DMRT2: variants seen among roughly 807,000 people sequenced by gnomAD.
The protein encoded by DMRT2 is doublesex- and mab-3-related transcription factor 2.
In DMRT2, 33 loss-of-function variants were observed where a neutral mutation model predicts 43.5. The observed-to-expected ratio is 0.76, with a 90% CI of 0.58 to 1.01. DMRT2 has a LOEUF of 1.01. Among genes scored for constraint, DMRT2 ranks in the 50% least tolerant of loss-of-function variants. The pLI, the probability that DMRT2 is intolerant of heterozygous loss-of-function variation, is 0.00. For missense variants in DMRT2, 1,064 were observed against 748.0 expected (o/e 1.42, Z -4.93); for synonymous variants, 395 against 309.2 (o/e 1.28, Z -2.91).
Position 1,056,521 on chromosome 9 carries a change from C to T in DMRT2, c.934C>T (p.Gln312Ter). ...GCCCACCTGCCTTGATTTAACCATG[C>T]AGTATTCAGGGTCTGGGAATATGGA... is the stretch of plus-strand genomic sequence containing the variant. The part of the protein sequence containing the change: ...FLPTCLDLTM[Q>*]YSGSGNMELI... Residue 312 changes from glutamine (Q) to a stop codon, truncating the protein, a stop_gained, in exon 4 of 4, where the codon CAG becomes TAG. Coordinates refer to ENST00000358146, the MANE Select transcript of DMRT2 (RefSeq NM_181872.6). LOFTEE classifies it high-confidence loss of function. 1 of 1,614,196 alleles carries T rather than the reference C, an allele frequency of 6.2e-7. No individual in the cohort carries two copies. The highest frequency in any genetic ancestry group is 8.5e-7 in the Non-Finnish European group (1 of 1,180,028).
intron 3 of DMRT2, among the ~76,000 whole-genome samples, chr9:1,054,883 A>G (rs1318290710): frequency 6.6e-6 from 1 of 151,840 alleles, no homozygotes; most frequent in Non-Finnish European, 1.5e-5. Flanking sequence ...TGTGTGTCCT[A>G]TAAAAATTTT....
rs200747181 is a variant in DMRT2, at chr9:1,055,802, A to G, written c.629-414A>G. 140 of 1,504,746 alleles carry G rather than the reference A, an allele frequency of 9.3e-5. 2 individuals carry two copies. In the Middle Eastern group the frequency reaches 2.3e-3, roughly 24 times the overall value. The allele number at this position is 1,504,746 out of a possible 1,614,324, so 93.2% of individuals were successfully genotyped here. The stretch of plus-strand genomic sequence containing the variant: ...AATAAAAGTGACATCAGCTCTAGGT[A>G]TAGATATATTTTTTAATAATGAAAA... On this transcript the variant is annotated intron_variant, in intron 3 of 3. Transcript: ENST00000358146.
intron 2 of DMRT2, among the ~76,000 whole-genome samples, chr9:1,052,628 A>G (rs73639838): frequency 0.029 from 4,364 of 151,998 alleles, 215 homozygotes; most frequent in African/African-American, 0.099. Flanking sequence ...CACTCATTTT[A>G]TGGATGAGAC....
At chr9:1,052,220 C>T (rs1821645568) in intron 2 of DMRT2, 82 bp downstream of exon 2, 2 of 1,183,048 alleles carry the variant, frequency 1.7e-6, no homozygotes, top group South Asian at 4.7e-5. Flanking sequence ...CGTCCACACC[C>T]CCCGCGCCCA....
In DMRT2 at chr9:1,056,251, G is replaced by A; in HGVS notation, c.664G>A (p.Gly222Arg). Residue 222 changes from glycine (G) to arginine (R), a missense_variant, in exon 4 of 4, where the codon GGG (glycine) becomes AGG (arginine). Gly to Arg is a moderately radical substitution (Grantham distance 125). Coordinates refer to ENST00000358146, the MANE Select transcript of DMRT2 (RefSeq NM_181872.6). ...RPIPAETYVG[G>R]TFPLPPPVSD... Reference sequence around the variant, plus strand: ...CATTCCAGCGGAGACTTATGTAGGAGGGACCTTCCCTCTACCTCCCCCAGT... The same window carrying A: ...CATTCCAGCGGAGACTTATGTAGGAAGGACCTTCCCTCTACCTCCCCCAGT... 1.2e-6 allele frequency: 2 copies of A among 1,613,836 alleles called. No individual in the cohort carries two copies. The highest frequency in any genetic ancestry group is 1.1e-5 in the South Asian group (1 of 91,070).
At position 1,056,343 on chromosome 9, in the gene DMRT2, A is replaced by C. The variant is rs763801083; in HGVS notation, c.756A>C (p.Arg252Ser). The C allele has an allele frequency of 1.2e-6, 2 of 1,614,184 alleles. No individual in the cohort carries two copies. Among genetic ancestry groups the C allele is most frequent in the South Asian group, 1.1e-5 (1 of 91,088 alleles). Residue 252 changes from arginine (R) to serine (S), a missense_variant, in exon 4 of 4, where the codon AGA becomes AGC. Arg to Ser is a moderately radical substitution (Grantham distance 110). Coordinates refer to ENST00000358146, the MANE Select transcript of DMRT2 (RefSeq NM_181872.6). ...AGTTGGAGAACATTATGCTGGAGAG[A>C]GAATATAAAGAAAGGGAGATGTTGG... ...DKELENIMLEREYKEREMLET... is the reference protein window; with the variant it reads ...DKELENIMLESEYKEREMLET...
In DMRT2 at chr9:1,056,703, T is replaced by A. The variant is rs777481724; in HGVS notation, c.1116T>A (p.Pro372=). 1 of 1,614,104 alleles carries A rather than the reference T, an allele frequency of 6.2e-7. No homozygotes were observed. Among genetic ancestry groups the A allele is most frequent in the Admixed American group, 1.7e-5 (1 of 60,014 alleles). Residue 372 remains proline, a synonymous_variant, in exon 4 of 4, where the codon CCT becomes CCA. Transcript: ENST00000358146. Reference sequence around the variant, plus strand: ...CCACCTCAGTTCAAGCCCTGAAGCCTGGGGCCAGCTGGGACTTGAAGGGAG... The same window carrying A: ...CCACCTCAGTTCAAGCCCTGAAGCCAGGGGCCAGCTGGGACTTGAAGGGAG... ...NATTSVQALK[P]GASWDLKGAR...
rs1476808379 is a variant in DMRT2 at position 1,056,452 on chromosome 9, C to T, written c.865C>T (p.Pro289Ser). 1 of 1,614,024 alleles carries T rather than the reference C, an allele frequency of 6.2e-7. No homozygotes were observed. The highest frequency in any genetic ancestry group is 8.5e-7 in the Non-Finnish European group (1 of 1,180,050). Residue 289 changes from proline to serine, a missense_variant, in exon 4 of 4, where the codon CCC becomes TCC. Pro to Ser is a moderately conservative substitution (Grantham distance 74, BLOSUM62 -1). Coordinates refer to ENST00000358146, the MANE Select transcript of DMRT2 (RefSeq NM_181872.6). ...DYNSYKSAYS[P>S]SPVEPPSKDF... ...CAATTCCTACAAAAGTGCCTACAGC[C>T]CCAGCCCAGTGGAACCACCAAGCAA...
At position 1,057,549 on chromosome 9, in the gene DMRT2, C is replaced by A. The variant is rs923978468; in HGVS notation, c.*276C>A. 2.0e-5 allele frequency: 7 copies of A among 344,172 alleles called. No homozygotes were observed. The highest frequency in any genetic ancestry group is 8.4e-5 in the African/African-American group (4 of 47,578). 21.3% of individuals were successfully genotyped at this position (344,172 alleles called of 1,614,324 possible). Reference sequence around the variant, plus strand: ...AAATTGACACTGTCTTCTCAAAGACCCAATATTTGCCGAAGCAAATAGCTG... The same window carrying A: ...AAATTGACACTGTCTTCTCAAAGACACAATATTTGCCGAAGCAAATAGCTG... On this transcript the variant is annotated 3_prime_UTR_variant, in exon 4 of 4. Coordinates refer to ENST00000358146, the MANE Select transcript of DMRT2 (RefSeq NM_181872.6).
rs1270995543 is a variant in DMRT2 at position 1,056,989 on chromosome 9, C to A, written c.1402C>A (p.His468Asn). ...ENTRHPLPLR[H>N]NPFHSLFQQT... ...CACCAGGCACCCTCTGCCACTTAGACATAATCCATTCCACTCATTATTCCA... is the reference window on the plus strand; with the variant it reads ...CACCAGGCACCCTCTGCCACTTAGAAATAATCCATTCCACTCATTATTCCA... Residue 468 changes from histidine (H) to asparagine (N), a missense_variant, in exon 4 of 4, where the codon CAT becomes AAT. Coordinates refer to ENST00000358146, the MANE Select transcript of DMRT2 (RefSeq NM_181872.6). 4 of 1,614,112 alleles carry A rather than the reference C, an allele frequency of 2.5e-6. No homozygotes were observed. The highest frequency in any genetic ancestry group is 2.7e-5 in the African/African-American group (2 of 74,924).
Position 1,057,310 on chromosome 9 carries a change from C to T in DMRT2, c.*37C>T. On this transcript the variant is annotated 3_prime_UTR_variant, in exon 4 of 4. Coordinates refer to ENST00000358146, the MANE Select transcript of DMRT2 (RefSeq NM_181872.6). The stretch of plus-strand genomic sequence containing the variant: ...AACAGAAAGCTGGATTTTCTGCAGT[C>T]TTAGAGCATTATAGCCATTTGCTAC... 6.4e-7 allele frequency: 1 copy of T among 1,556,944 alleles called. No individual in the cohort carries two copies. Among genetic ancestry groups the T allele is most frequent in the Non-Finnish European group, 8.7e-7 (1 of 1,155,542 alleles).
chr9:1,053,900 A>G (rs1821788557), intron 3 of DMRT2, 76 bp downstream of exon 3: 1 of 1,306,524 alleles, frequency 7.7e-7, no homozygotes, highest in Non-Finnish European at 1.1e-6. Context: ...AAGTGTGTTT[A>G]TTAATCTGTG....
chr9:1,056,486 G>T lies in DMRT2; in HGVS notation c.899G>T (p.Cys300Phe). 2 of 1,614,210 alleles carry T rather than the reference G, an allele frequency of 1.2e-6. No individual in the cohort carries two copies. Among genetic ancestry groups the T allele is most frequent in the Non-Finnish European group, 1.7e-6 (2 of 1,180,040 alleles). ...GTGGAACCACCAAGCAAGGACTTCT[G>T]TAATTTTTTGCCCACCTGCCTTGAT... ...SPVEPPSKDF[C>F]NFLPTCLDLT... The change falls in exon 4 of 4, where the codon TGT (cysteine) becomes TTT (phenylalanine). Residue 300 changes from cysteine (C) to phenylalanine (F), a missense_variant. Cys to Phe is a radical substitution (Grantham distance 205). Transcript: ENST00000358146.
chr9:1,052,502 C>T (rs916257941), intron 2 of DMRT2, among the ~76,000 whole-genome samples: 19 of 151,970 alleles, frequency 1.3e-4, no homozygotes, highest in African/African-American at 3.9e-4. Flanking sequence ...ATCCACAGCA[C>T]GGCGTGCAGC....
rs756187071 is a variant in DMRT2, at chr9:1,056,429, A to T, written c.842A>T (p.Asn281Ile). 1 of 1,614,170 alleles carries T rather than the reference A, an allele frequency of 6.2e-7. No homozygotes were observed. The highest frequency in any genetic ancestry group is 8.5e-7 in the Non-Finnish European group (1 of 1,180,026). The change falls in exon 4 of 4, where the codon AAT (asparagine) becomes ATT (isoleucine). Residue 281 changes from asparagine to isoleucine, a missense_variant. Physicochemically the swap from Asn to Ile is moderately radical, Grantham distance 149. Transcript: ENST00000358146. Reference sequence around the variant, plus strand: ...CGCATGGTGCCTGGACCTGACTACAATTCCTACAAAAGTGCCTACAGCCCC... The same window carrying T: ...CGCATGGTGCCTGGACCTGACTACATTTCCTACAAAAGTGCCTACAGCCCC... ...PNRMVPGPDY[N>I]SYKSAYSPSP...
In DMRT2 at chr9:1,056,548, C is replaced by T. The variant is rs141302557; in HGVS notation, c.961C>T (p.Leu321=). The change falls in exon 4 of 4, where the codon CTA becomes TTA. Residue 321 remains leucine, a synonymous_variant. Transcript: ENST00000358146. ...GTATTCAGGGTCTGGGAATATGGAA[C>T]TAATTTCTTCTAATGTCAGCGTGGC... ...MQYSGSGNME[L]ISSNVSVATT... is the part of the protein sequence containing the mutation. 1 of 1,614,182 alleles carries T rather than the reference C, an allele frequency of 6.2e-7. No homozygotes were observed. The highest frequency in any genetic ancestry group is 2.2e-5 in the East Asian group (1 of 44,882).
At chr9:1,052,756 C>T (rs921671201) in intron 2 of DMRT2, among the ~76,000 whole-genome samples, 4 of 152,168 alleles carry the variant, frequency 2.6e-5, no homozygotes, top group Non-Finnish European at 4.4e-5. Context: ...CGGAGGACTC[C>T]AGCTGCGAGG....
Position 1,056,652 on chromosome 9 carries a change from C to A in DMRT2, c.1065C>A (p.Leu355=). The stretch of plus-strand genomic sequence containing the variant: ...GTGGCCCCATTAGCGACACCCTCCT[C>A]TACCAGCAATGCCTGCTAAATGCCA... The part of the protein sequence containing the change: ...PKCGPISDTL[L]YQQCLLNATT... The change falls in exon 4 of 4, where the codon CTC becomes CTA. Residue 355 remains leucine, a synonymous_variant. Coordinates refer to ENST00000358146, the MANE Select transcript of DMRT2 (RefSeq NM_181872.6). The A allele has an allele frequency of 6.2e-7, 1 of 1,614,216 alleles. No homozygotes were observed. The highest frequency in any genetic ancestry group is 8.5e-7 in the Non-Finnish European group (1 of 1,180,052).
intron 3 of DMRT2, among the ~76,000 whole-genome samples, chr9:1,054,832 C>G (rs1394173239): frequency 1.3e-5 from 2 of 151,590 alleles, no homozygotes; most frequent in Non-Finnish European, 2.9e-5. Flanking sequence ...CTGTTTTTTT[C>G]TTGTGTAGCT....
Sources: allele counts gnomAD v4.1 joint callset (sites outside exome capture counted in the v4.1 genomes callset), GRCh38; gene constraint gnomAD v4.1.1; transcripts MANE v1.5; gene names NCBI Gene and HGNC (gene_info 2026-07-23, HGNC 2026-07-21).